Variants in CLPB observed in about 807,000 individuals in gnomAD.
CLPB encodes mitochondrial disaggregase.
CLPB carries 40 observed loss-of-function variants against 78.4 expected under a neutral mutation model. The observed-to-expected ratio is 0.51, with a 90% CI of 0.40 to 0.66. CLPB has a LOEUF of 0.66. Among genes scored for constraint, CLPB ranks in the 30% least tolerant of loss-of-function variants. The probability of loss-of-function intolerance (pLI) is 0.00; values close to 1 mark genes in which losing one functional copy is unlikely to be tolerated. For synonymous variants in CLPB, 333 were observed against 348.0 expected, an observed-to-expected ratio of 0.96 and a Z score of 0.48; for missense variants, 780 against 886.9, an observed-to-expected ratio of 0.88 and a Z score of 1.53.
chr11:72,317,266 C>A, intron 6 of CLPB, 46 bp from the exon 7 acceptor site: 3 of 1,411,228 alleles, frequency 2.1e-6, no homozygotes, highest in South Asian at 1.2e-5. Context: ...GGGCCCATAG[C>A]ACCATAGCTT....
In CLPB at chr11:72,430,339, C is replaced by T. The variant is rs1460448899; in HGVS notation, c.428G>A (p.Arg143His). ...GCTGACTTCTTGCATATTGTTGGCA[C>T]GGGCAGCTTCCAACAGGGCTGCATC... Reference protein sequence around the residue: ...NKDAALLEAARANNMQEVSRL... With the variant: ...NKDAALLEAAHANNMQEVSRL... Residue 143 changes from arginine to histidine, a missense_variant, in exon 2 of 16, where the codon CGT becomes CAT. Arg to His is a conservative substitution (Grantham distance 29). Transcript: ENST00000538039. 1 of 1,613,296 alleles carries T rather than the reference C, an allele frequency of 6.2e-7. No individual in the cohort carries two copies. The highest frequency in any genetic ancestry group is 1.7e-5 in the Admixed American group (1 of 59,942).
At chr11:72,336,123 G>T (rs1320729470) in intron 5 of CLPB, among the ~76,000 whole-genome samples, 7 of 151,986 alleles carry the variant, frequency 4.6e-5, no homozygotes, top group African/African-American at 1.7e-4. Context: ...GGTGGGAAAA[G>T]CTCATAAGCT....
At chr11:72,403,817 A>G (rs142135614) in intron 2 of CLPB, among the ~76,000 whole-genome samples, 77 of 152,328 alleles carry the variant, frequency 5.1e-4, no homozygotes, top group Non-Finnish European at 9.8e-4. Context: ...GTATCCCACT[A>G]AAAGTCTGAA....
rs1322934433 is a variant in CLPB, at chr11:72,422,892, C to T, written c.455+7420G>A. 2.6e-5 allele frequency among the ~76,000 whole-genome samples: 4 copies of T among 152,308 alleles called. No individual in the cohort carries two copies. The East Asian group carries it at 7.7e-4, about 29-fold the overall frequency. On this transcript the variant is annotated intron_variant, in intron 2 of 15. Coordinates refer to ENST00000538039, the MANE Select transcript of CLPB (RefSeq NM_001258392.3). ...TACATTCTGGACACCTCAATCCTGG[C>T]ACATGGACAGCAAGTGCCTCAAGCC...
At chr11:72,295,798 C>G in intron 11 of CLPB, 150 bp from the exon 12 acceptor site, 1 of 729,616 alleles carries the variant, frequency 1.4e-6, no homozygotes. Flanking sequence ...CCTCTGGGTT[C>G]TCCGAGCACT....
chr11:72,324,159 T>A (rs1590795761), intron 6 of CLPB, among the ~76,000 whole-genome samples: 1 of 151,988 alleles, frequency 6.6e-6, no homozygotes, highest in Non-Finnish European at 1.5e-5. Context: ...GCTTTTGGGG[T>A]GCTTCTAATA....
At chr11:72,393,853 T>A (rs1590888743) in intron 3 of CLPB, among the ~76,000 whole-genome samples, 1 of 152,230 alleles carries the variant, frequency 6.6e-6, no homozygotes, top group Non-Finnish European at 1.5e-5. Context: ...CAACACAGAT[T>A]TAACCATTGC....
chr11:72,386,828 T>C (rs1471109477), intron 3 of CLPB, among the ~76,000 whole-genome samples: 1 of 152,228 alleles, frequency 6.6e-6, no homozygotes, highest in African/African-American at 2.4e-5. Context: ...AAAACTCATA[T>C]GTTTAATTCA....
chr11:72,372,291 T>A (rs1951056802), intron 4 of CLPB, among the ~76,000 whole-genome samples: 1 of 152,254 alleles, frequency 6.6e-6, no homozygotes, highest in African/African-American at 2.4e-5. Flanking sequence ...CAGGTTTACA[T>A]TCACAGAATT....
At chr11:72,368,799 G>T (rs915273815) in intron 4 of CLPB, among the ~76,000 whole-genome samples, 5 of 152,188 alleles carry the variant, frequency 3.3e-5, no homozygotes, top group African/African-American at 1.2e-4. Flanking sequence ...AGGCACTCAT[G>T]GTCAAGTAGG....
At chr11:72,393,968 T>C (rs1255416655) in intron 3 of CLPB, among the ~76,000 whole-genome samples, 1 of 152,224 alleles carries the variant, frequency 6.6e-6, no homozygotes, top group Non-Finnish European at 1.5e-5. Context: ...ATGACCTCAA[T>C]GAAATCAGTG....
At chr11:72,387,263 AACC>A (rs1855106207) in intron 3 of CLPB, among the ~76,000 whole-genome samples, 1 of 152,212 alleles carries the variant, frequency 6.6e-6, no homozygotes, top group African/African-American at 2.4e-5. Flanking sequence ...GAAATTAGAA[AACC>A]ACCATTTTGT....
intron 3 of CLPB, among the ~76,000 whole-genome samples, chr11:72,402,211 A>T (rs186079764): frequency 1.3e-5 from 2 of 152,310 alleles, no homozygotes; most frequent in Admixed American, 1.3e-4. Context: ...AGCGAGCCAT[A>T]GATCGTACCA....
rs1950779802 is a variant in CLPB at position 72,358,964 on chromosome 11, G to A, written c.691C>T (p.Arg231Cys). The A allele has an allele frequency of 3.7e-6, 6 of 1,613,446 alleles. No homozygotes were observed. Among genetic ancestry groups the A allele is most frequent in the East Asian group, 2.2e-5 (1 of 44,838 alleles). Residue 231 changes from arginine to cysteine, a missense_variant, in exon 5 of 16, where the codon CGC (arginine) becomes TGC (cysteine). Coordinates refer to ENST00000538039, the MANE Select transcript of CLPB (RefSeq NM_001258392.3). ...EDDFNNRLNN[R>C]ASFKGCTALH... ...GCCGTGCAGCCCTTGAAACTGGCGC[G>A]GTTGTTCAGCCTGTTGTTGAAGTCA...
At chr11:72,316,134 A>T (rs1028001114) in intron 7 of CLPB, among the ~76,000 whole-genome samples, 3 of 152,178 alleles carry the variant, frequency 2.0e-5, no homozygotes, top group Admixed American at 6.5e-5. Flanking sequence ...CAATCCAGGC[A>T]TACCACACGA....
chr11:72,372,096 A>C (rs960294828), intron 4 of CLPB, among the ~76,000 whole-genome samples: 3 of 152,224 alleles, frequency 2.0e-5, no homozygotes, highest in African/African-American at 7.2e-5. Flanking sequence ...TGCGAAAATC[A>C]AGCTCAGAGA....
At chr11:72,423,806 C>T (rs1186459866) in intron 2 of CLPB, among the ~76,000 whole-genome samples, 4 of 152,212 alleles carry the variant, frequency 2.6e-5, no homozygotes, top group Admixed American at 2.6e-4. Context: ...AACTCGCCAA[C>T]CTCATTTGAC....
At chr11:72,330,215 C>G (rs1950200107) in intron 5 of CLPB, among the ~76,000 whole-genome samples, 2 of 151,720 alleles carry the variant, frequency 1.3e-5, no homozygotes, top group African/African-American at 4.9e-5. Context: ...GAGAATATCC[C>G]AAATAACAAT....
intron 5 of CLPB, among the ~76,000 whole-genome samples, chr11:72,354,933 G>C (rs185274836): frequency 2.0e-5 from 3 of 152,222 alleles, no homozygotes; most frequent in Admixed American, 2.0e-4. Flanking sequence ...GCGCCTGCCA[G>C]AGCACCTACC....
Sources: gnomAD v4.1 joint callset for allele counts (sites outside exome capture counted in the v4.1 genomes callset) on GRCh38, gnomAD v4.1.1 for gene constraint, MANE v1.5 for transcripts, NCBI Gene and HGNC (gene_info 2026-07-23, HGNC 2026-07-21) for gene names.